METTL15: variants seen among roughly 807,000 people sequenced by gnomAD.
METTL15 encodes the protein 12S rRNA N(4)-cytidine methyltransferase METTL15.
METTL15 carries 34 observed loss-of-function variants against 38.3 expected under a neutral mutation model. The ratio of observed to expected loss-of-function variants is 0.89; its 90% CI spans 0.68 to 1.18. The LOEUF (loss-of-function observed/expected upper bound fraction) is 1.18, where lower values mean the gene tolerates loss of function less well. Ranked by LOEUF, METTL15 falls within the 50% of genes most tolerant of loss-of-function variation. The pLI, the probability that METTL15 is intolerant of heterozygous loss-of-function variation, is 0.00. For missense variants in METTL15, 438 were observed against 498.4 expected (o/e 0.88, Z 1.15); for synonymous variants, 162 against 170.9 (o/e 0.95, Z 0.41).
intron 3 of METTL15, among the ~76,000 whole-genome samples, chr11:28,155,554 T>G (rs1850235105): frequency 6.6e-6 from 1 of 152,148 alleles, no homozygotes. Context: ...TAATGGCTTA[T>G]GGACCCTCTT....
intron 6 of METTL15, among the ~76,000 whole-genome samples, chr11:28,434,152 T>G (rs182851769): frequency 5.8e-4 from 88 of 152,280 alleles, no homozygotes; most frequent in African/African-American, 1.9e-3. Flanking sequence ...CTTGTGATAG[T>G]GAGTTAGTTC....
At chr11:28,448,593 TTTTA>T (rs1851093972) in intron 6 of METTL15, among the ~76,000 whole-genome samples, 1 of 152,224 alleles carries the variant, frequency 6.6e-6, no homozygotes, top group African/African-American at 2.4e-5. Flanking sequence ...CTCATCTTGC[TTTTA>T]TTTTTCTCTG....
chr11:28,291,701 A>T (rs1369248189), intron 5 of METTL15, among the ~76,000 whole-genome samples: 1 of 152,166 alleles, frequency 6.6e-6, no homozygotes, highest in African/African-American at 2.4e-5. Context: ...CAAGTAACTA[A>T]TAGTAAAGGT....
intron 3 of METTL15, among the ~76,000 whole-genome samples, chr11:28,121,411 C>G (rs992247162): frequency 6.6e-6 from 1 of 151,838 alleles, no homozygotes; most frequent in Non-Finnish European, 1.5e-5. Flanking sequence ...GTCTTTGGGC[C>G]CTGTGCTATA....
At chr11:28,341,862 C>G (rs532318508) in intron 3 of METTL15, among the ~76,000 whole-genome samples, 1 of 152,286 alleles carries the variant, frequency 6.6e-6, no homozygotes, top group South Asian at 2.1e-4. Context: ...TGACCACCCT[C>G]TATCACCACA....
chr11:28,407,340 C>T (rs1410281360), intron 5 of METTL15, among the ~76,000 whole-genome samples: 1 of 152,054 alleles, frequency 6.6e-6, no homozygotes, highest in Non-Finnish European at 1.5e-5. Context: ...AGAGCTTCTG[C>T]ACAGCAAAAG....
intron 4 of METTL15, among the ~76,000 whole-genome samples, chr11:28,361,156 G>A (rs1455198990): frequency 1.3e-5 from 2 of 150,078 alleles, no homozygotes; most frequent in African/African-American, 2.5e-5. Context: ...ATGATTTATA[G>A]TCCTTTGGGT....
At chr11:28,116,476 T>G (rs566598523) in intron 3 of METTL15, among the ~76,000 whole-genome samples, 1 of 152,334 alleles carries the variant, frequency 6.6e-6, no homozygotes, top group South Asian at 2.1e-4. Flanking sequence ...GAGCAAAGAT[T>G]CTGGAACTGG....
chr11:28,421,403 CA>C (rs989492529), intron 5 of METTL15, among the ~76,000 whole-genome samples: 2 of 151,340 alleles, frequency 1.3e-5, no homozygotes, highest in Non-Finnish European at 3.0e-5. Flanking sequence ...AAAGACACAC[CA>C]AAAAAAGAAA....
At chr11:28,283,217 TG>T (rs1856122561) in intron 4 of METTL15, among the ~76,000 whole-genome samples, 1 of 152,186 alleles carries the variant, frequency 6.6e-6, no homozygotes, top group African/African-American at 2.4e-5. Flanking sequence ...TGAAAATTTG[TG>T]AACAGATTTT....
In METTL15 at chr11:28,374,468, T is replaced by A. The variant is rs962163850; in HGVS notation, c.*358+12432T>A. ...CACTCATGATTTCGCTCTCTGTTTG[T>A]CTGTTGTTGGTGTATAGGAATGCTT... On this transcript the variant is annotated intron_variant and NMD_transcript_variant, in intron 5 of 7. Transcript: ENST00000532947. Among the ~76,000 whole-genome samples, 76 of 146,662 alleles carry A rather than the reference T, an allele frequency of 5.2e-4. 1 individual carries two copies. The highest frequency in any genetic ancestry group is 1.8e-3 in the African/African-American group (73 of 40,738).
intron 3 of METTL15, among the ~76,000 whole-genome samples, chr11:28,140,654 G>C (rs542607514): frequency 6.6e-6 from 1 of 152,312 alleles, no homozygotes; most frequent in African/African-American, 2.4e-5. Flanking sequence ...GGACATCAAA[G>C]AGTGAGTGGA....
rs964937418 is a variant in METTL15, at chr11:28,432,210, A to G, written c.*424+7846A>G. Among the ~76,000 whole-genome samples, 7 of 152,240 alleles carry G rather than the reference A, an allele frequency of 4.6e-5. No homozygotes were observed. In the East Asian group the frequency reaches 7.7e-4, roughly 17 times the overall value. The stretch of plus-strand genomic sequence containing the variant: ...GTATAGATAGTTATTGACGATGGAA[A>G]AGAATAAAGACATTGAGCTGGAAAA... On this transcript the variant is annotated intron_variant and NMD_transcript_variant, in intron 6 of 7. Transcript: ENST00000532947.
intron 6 of METTL15, among the ~76,000 whole-genome samples, chr11:28,467,954 G>A (rs1304316792): frequency 6.6e-6 from 1 of 152,090 alleles, no homozygotes; most frequent in Admixed American, 6.6e-5. Flanking sequence ...AATAAATCAA[G>A]ATCTAGGAAA....
chr11:28,441,971 A>C (rs78830279), intron 6 of METTL15, among the ~76,000 whole-genome samples: 5,812 of 152,278 alleles, frequency 0.038, 367 homozygotes, highest in African/African-American at 0.13. Context: ...ACTGGAAAAG[A>C]AGTAGATTGT....
At chr11:28,253,167 G>T (rs1381554920) in intron 4 of METTL15, among the ~76,000 whole-genome samples, 1 of 152,114 alleles carries the variant, frequency 6.6e-6, no homozygotes, top group Non-Finnish European at 1.5e-5. Flanking sequence ...CTGAAGTTTA[G>T]TCTAATTAGC....
At chr11:28,478,467 A>G (rs1028255027) in intron 6 of METTL15, among the ~76,000 whole-genome samples, 1 of 152,042 alleles carries the variant, frequency 6.6e-6, no homozygotes, top group African/African-American at 2.4e-5. Flanking sequence ...TGATTATCTG[A>G]CCTCTCTTGC....
intron 6 of METTL15, among the ~76,000 whole-genome samples, chr11:28,479,833 G>A (rs897054333): frequency 2.0e-5 from 3 of 152,278 alleles, no homozygotes; most frequent in Admixed American, 1.3e-4. Flanking sequence ...CTAACATAAA[G>A]TATGTGCACT....
intron 6 of METTL15, among the ~76,000 whole-genome samples, chr11:28,308,830 A>G (rs1240585523): frequency 1.3e-5 from 2 of 152,190 alleles, no homozygotes; most frequent in South Asian, 2.1e-4. Flanking sequence ...CTTCATCACT[A>G]AAGTGTCTCC....
Sources: allele counts gnomAD v4.1 joint callset (sites outside exome capture counted in the v4.1 genomes callset), GRCh38; gene constraint gnomAD v4.1.1; transcripts MANE v1.5; gene names NCBI Gene and HGNC (gene_info 2026-07-23, HGNC 2026-07-21).